Variants in B4GALT2 observed in about 807,000 individuals in gnomAD.
The protein encoded by B4GALT2 is N-acetyllactosamine synthase.
B4GALT2 carries 18 observed loss-of-function variants against 33.2 expected under a neutral mutation model. The observed-to-expected ratio is 0.54, with a 90% CI of 0.38 to 0.80. The LOEUF is 0.80. B4GALT2 is among the 30% of genes least tolerant of loss of function. The pLI is 0.00. For synonymous variants in B4GALT2, 214 were observed against 217.6 expected (o/e 0.98, Z 0.15); for missense variants, 404 against 526.2 (o/e 0.77, Z 2.27).
intron 6 of B4GALT2, chr1:43,986,086 A>T (rs1326352996): frequency 5.8e-6 from 1 of 171,494 alleles, no homozygotes; most frequent in East Asian, 1.6e-4. Flanking sequence ...GACAGTGCCC[A>T]CCCCTCTGAA....
At chr1:43,980,139 G>A (rs2085578705) in intron 1 of B4GALT2, 1 of 1,317,562 alleles carries the variant, frequency 7.6e-7, no homozygotes, top group Admixed American at 3.0e-5. Context: ...GCTGGGACCA[G>A]GGTGTCCCTG....
At position 43,990,408 on chromosome 1, in the gene B4GALT2, T is replaced by C; in HGVS notation, c.1079T>C (p.Val360Ala). The C allele has an allele frequency of 6.2e-7, 1 of 1,613,948 alleles. No individual in the cohort carries two copies. The highest frequency in any genetic ancestry group is 8.5e-7 in the Non-Finnish European group (1 of 1,180,008). Residue 360 changes from valine (V) to alanine (A), a missense_variant, in exon 7 of 7, where the codon GTG (valine) becomes GCG (alanine). Coordinates refer to ENST00000372324, the MANE Select transcript of B4GALT2 (RefSeq NM_003780.5). ...CAACCACTCTTCACCAATATCACAG[T>C]GGACATTGGGCGGCCTCCGTCGTGG... ...SRQPLFTNITVDIGRPPSWPP... is the reference protein window; with the variant it reads ...SRQPLFTNITADIGRPPSWPP...
At chr1:43,983,410 G>A (rs1004806072) in intron 3 of B4GALT2, among the ~76,000 whole-genome samples, 2 of 152,176 alleles carry the variant, frequency 1.3e-5, no homozygotes, top group African/African-American at 4.8e-5. Context: ...CCGGAAACCC[G>A]GCAGTCAGTG....
chr1:43,986,525 G>A (rs2085661049), intron 6 of B4GALT2, among the ~76,000 whole-genome samples: 1 of 152,194 alleles, frequency 6.6e-6, no homozygotes, highest in Admixed American at 6.5e-5. Flanking sequence ...AATCATATCT[G>A]GAAGATTCTG....
chr1:43,983,458 G>C (rs922521127), intron 3 of B4GALT2, among the ~76,000 whole-genome samples: 4 of 152,232 alleles, frequency 2.6e-5, no homozygotes, highest in African/African-American at 9.6e-5. Context: ...GGCACTGTGG[G>C]GGTGTGAGGA....
chr1:43,984,825 G>C lies in B4GALT2; in HGVS notation c.550-40G>C, dbSNP rs777324851. The C allele has an allele frequency of 6.3e-7, 1 of 1,595,990 alleles. No homozygotes were observed. Among genetic ancestry groups the C allele is most frequent in the East Asian group, 2.2e-5 (1 of 44,540 alleles). On this transcript the variant is annotated intron_variant, in intron 3 of 6. Coordinates refer to ENST00000372324, the MANE Select transcript of B4GALT2 (RefSeq NM_003780.5). The surrounding 1 kb of genome is among the most constrained non-coding windows in gnomAD (Gnocchi z 5.6). ...GTGGCAAAAGGGCAGGTGCTTGTTG[G>C]TCACAGGCCCAGGGTTGACCTGCTC...
chr1:43,988,868 G>A (rs975829565), intron 6 of B4GALT2, among the ~76,000 whole-genome samples: 10 of 83,516 alleles, frequency 1.2e-4, no homozygotes, highest in Non-Finnish European at 2.4e-4. Context: ...AAAAAAAAAA[G>A]TCTGAGCTGA....
In B4GALT2 at chr1:43,990,353, G is replaced by A. The variant is rs2085715361; in HGVS notation, c.1024G>A (p.Val342Met). 1.2e-6 allele frequency: 2 copies of A among 1,614,228 alleles called. No individual in the cohort carries two copies. The highest frequency in any genetic ancestry group is 1.7e-6 in the Non-Finnish European group (2 of 1,180,038). The change falls in exon 7 of 7, where the codon GTG becomes ATG. Residue 342 changes from valine to methionine, a missense_variant. Coordinates refer to ENST00000372324, the MANE Select transcript of B4GALT2 (RefSeq NM_003780.5). ...LTMKRDGIGS[V>M]RYQVLEVSRQ... Reference sequence around the variant, plus strand: ...CATGAAGCGGGACGGCATTGGGTCAGTGCGGTACCAGGTCTTGGAGGTGTC... The same window carrying A: ...CATGAAGCGGGACGGCATTGGGTCAATGCGGTACCAGGTCTTGGAGGTGTC...
At chr1:43,985,930 A>G (rs989892772) in intron 6 of B4GALT2, 2 of 430,990 alleles carry the variant, frequency 4.6e-6, no homozygotes, top group Non-Finnish European at 8.6e-6. Context: ...AGTAGATTGC[A>G]TTCCTATTGG....
At chr1:43,985,229 C>G (rs373832530) in intron 4 of B4GALT2, 49 bp from the exon 5 acceptor site, 3 of 1,583,748 alleles carry the variant, frequency 1.9e-6, no homozygotes, top group Non-Finnish European at 2.6e-6. Context: ...GGTCCTTCCC[C>G]TGGAGTCCCC....
intron 3 of B4GALT2, among the ~76,000 whole-genome samples, chr1:43,983,856 C>T (rs1204239260): frequency 6.6e-6 from 1 of 152,136 alleles, no homozygotes; most frequent in East Asian, 1.9e-4. Flanking sequence ...AGAGAGCTGG[C>T]AGGGCTGGGC....
At position 43,981,514 on chromosome 1, in the gene B4GALT2, T is replaced by C; in HGVS notation, c.313+41T>C. The C allele has an allele frequency of 6.5e-7, 1 of 1,531,178 alleles. No homozygotes were observed. The highest frequency in any genetic ancestry group is 8.8e-7 in the Non-Finnish European group (1 of 1,141,336). 94.8% of individuals were successfully genotyped at this position (1,531,178 alleles called of 1,614,324 possible). On this transcript the variant is annotated intron_variant, in intron 2 of 6. Transcript: ENST00000372324. The surrounding 1 kb of genome is among the most constrained non-coding windows in gnomAD (Gnocchi z 8.1). ...AGGGCCTGCCTGTGGGGAAACAGGGTTTTATTGGTTTGACTAGAGAAATGG... is the reference window on the plus strand; with the variant it reads ...AGGGCCTGCCTGTGGGGAAACAGGGCTTTATTGGTTTGACTAGAGAAATGG...
intron 1 of B4GALT2, chr1:43,980,115 A>C (rs2085578399): frequency 1.4e-6 from 2 of 1,396,750 alleles, no homozygotes; most frequent in Admixed American, 5.3e-5. Flanking sequence ...TGTGTGTCTG[A>C]GTGTGGGTGA....
intron 5 of B4GALT2, 49 bp downstream of exon 5, chr1:43,985,449 G>GTTCA: frequency 9.3e-6 from 8 of 858,856 alleles, no homozygotes; most frequent in South Asian, 1.6e-5. Flanking sequence ...GGGGAGGGGG[G>GTTCA]GTGCAGACTG....
chr1:43,988,130 A>G (rs2085679314), intron 6 of B4GALT2, among the ~76,000 whole-genome samples: 1 of 152,184 alleles, frequency 6.6e-6, no homozygotes, highest in Non-Finnish European at 1.5e-5. Flanking sequence ...AACGAGGAAC[A>G]GAGAAAATGG....
chr1:43,980,973 T>A (rs1467856485), intron 1 of B4GALT2, 136 bp from the exon 2 acceptor site: 14 of 1,238,526 alleles, frequency 1.1e-5, no homozygotes, highest in Non-Finnish European at 1.5e-5. Context: ...TTCTTGAGTC[T>A]GTGAGTGTGA....
chr1:43,979,818 C>A lies in B4GALT2; in HGVS notation c.-53+307C>A. On this transcript the variant is annotated intron_variant, in intron 1 of 6. Coordinates refer to ENST00000372324, the MANE Select transcript of B4GALT2 (RefSeq NM_003780.5). This position sits in a 1 kb window ranked among gnomAD's most constrained non-coding sequence, Gnocchi z 4.8. ...CATCCGCTGCCCTCCACCCACTCCC[C>A]CTGCCCCCAGGCTCCACACCCACCC... 1.7e-6 allele frequency: 1 copy of A among 586,260 alleles called. No homozygotes were observed. Among genetic ancestry groups the A allele is most frequent in the Non-Finnish European group, 3.0e-6 (1 of 333,912 alleles). The allele number at this position is 586,260 out of a possible 1,614,324, so 36.3% of individuals were successfully genotyped here.
intron 6 of B4GALT2, among the ~76,000 whole-genome samples, chr1:43,988,537 G>A (rs1316279882): frequency 6.6e-6 from 1 of 151,896 alleles, no homozygotes; most frequent in Non-Finnish European, 1.5e-5. Context: ...GTGGGCGCCT[G>A]TAATCCCACC....
intron 6 of B4GALT2, among the ~76,000 whole-genome samples, chr1:43,989,801 G>C (rs1366853348): frequency 6.6e-6 from 1 of 152,166 alleles, no homozygotes; most frequent in African/African-American, 2.4e-5. Flanking sequence ...AGGGGCGTAG[G>C]GGTCAGCATC....
Sources: gnomAD v4.1 joint callset for allele counts (sites outside exome capture counted in the v4.1 genomes callset) on GRCh38, gnomAD v4.1.1 for gene constraint, Gnocchi (gnomAD v3.1) non-coding constraint, MANE v1.5 for transcripts, NCBI Gene and HGNC (gene_info 2026-07-23, HGNC 2026-07-21) for gene names.